KIF13B: variants seen among roughly 807,000 people sequenced by gnomAD.
KIF13B encodes kinesin-like protein KIF13B.
A neutral mutation model predicts 222.0 loss-of-function variants in KIF13B; 127 were observed. That is an observed-to-expected ratio of 0.57 (90% CI 0.50 to 0.66). The LOEUF is 0.66. Among genes scored for constraint, KIF13B ranks in the 30% least tolerant of loss-of-function variants. The pLI, the probability that KIF13B is intolerant of heterozygous loss-of-function variation, is 0.00. For missense variants in KIF13B, 2,173 were observed against 2,379.0 expected, an observed-to-expected ratio of 0.91 and a Z score of 1.80; for synonymous variants, 976 against 919.0, an observed-to-expected ratio of 1.06 and a Z score of -1.12.
At chr8:29,079,485 A>G (rs1035393521) in intron 37 of KIF13B, among the ~76,000 whole-genome samples, 3 of 152,218 alleles carry the variant, frequency 2.0e-5, no homozygotes, top group African/African-American at 7.2e-5. Context: ...TTCCTTACAT[A>G]AAACAGTAGC....
At chr8:29,102,893 C>A (rs535093696) in intron 35 of KIF13B, among the ~76,000 whole-genome samples, 3 of 152,214 alleles carry the variant, frequency 2.0e-5, no homozygotes, top group Non-Finnish European at 4.4e-5. Flanking sequence ...GACAAACATA[C>A]AACCTTATTG....
At chr8:29,146,907 A>T (rs902851364) in intron 17 of KIF13B, among the ~76,000 whole-genome samples, 1 of 152,236 alleles carries the variant, frequency 6.6e-6, no homozygotes, top group Admixed American at 6.5e-5. Flanking sequence ...CCTGCAGACC[A>T]AACTTTAAAT....
At chr8:29,221,072 A>G (rs1814721667) in intron 2 of KIF13B, among the ~76,000 whole-genome samples, 1 of 149,138 alleles carries the variant, frequency 6.7e-6, no homozygotes, top group South Asian at 2.1e-4. Flanking sequence ...AGCCCAGGGA[A>G]GCTGAGGCTG....
At chr8:29,249,463 T>A (rs1816185971) in intron 1 of KIF13B, among the ~76,000 whole-genome samples, 1 of 148,886 alleles carries the variant, frequency 6.7e-6, no homozygotes. Context: ...AGATAAGCTC[T>A]AAGGAAAGGA....
At chr8:29,258,806 A>G (rs933253034) in intron 1 of KIF13B, among the ~76,000 whole-genome samples, 16 of 152,154 alleles carry the variant, frequency 1.1e-4, no homozygotes, top group African/African-American at 3.4e-4. Flanking sequence ...CCTGGCACTT[A>G]GTAACTAGCA....
At chr8:29,212,374 T>C (rs1251440503) in intron 2 of KIF13B, among the ~76,000 whole-genome samples, 1 of 152,252 alleles carries the variant, frequency 6.6e-6, no homozygotes, top group Non-Finnish European at 1.5e-5. Flanking sequence ...CAGCATCGTC[T>C]GTCGTTTTGA....
chr8:29,168,311 A>G (rs973983104), intron 10 of KIF13B, among the ~76,000 whole-genome samples: 2 of 152,194 alleles, frequency 1.3e-5, no homozygotes, highest in African/African-American at 4.8e-5. Context: ...ATGAAAAACC[A>G]CCCTCACTTG....
chr8:29,084,418 C>T (rs1344008256), intron 37 of KIF13B, among the ~76,000 whole-genome samples: 2 of 152,172 alleles, frequency 1.3e-5, no homozygotes, highest in Non-Finnish European at 2.9e-5. Flanking sequence ...TATACAGACA[C>T]CTTTTCAATT....
intron 22 of KIF13B, among the ~76,000 whole-genome samples, chr8:29,133,308 G>C (rs984477856): frequency 2.0e-5 from 3 of 152,352 alleles, no homozygotes; most frequent in Admixed American, 2.0e-4. Context: ...CGCACTGTTG[G>C]CTGGGTGTGG....
rs778029838 is a variant in KIF13B, at chr8:29,071,975, G to A, written c.4863C>T (p.Pro1621=). 7.5e-5 allele frequency: 99 copies of A among 1,320,134 alleles called. No homozygotes were observed. The highest frequency in any genetic ancestry group is 4.2e-5 in the Admixed American group (1 of 23,614). The allele number at this position is 1,320,134 out of a possible 1,614,324, so 81.8% of individuals were successfully genotyped here. A position where few individuals can be genotyped will look rare whatever the true frequency, so the allele number is the denominator to read the frequency against. The change falls in exon 39 of 40, where the codon CCC becomes CCT. Residue 1621 remains proline (P), a synonymous_variant. Coordinates refer to ENST00000524189, the MANE Select transcript of KIF13B (RefSeq NM_015254.4). The surrounding 1 kb of genome is among the most constrained non-coding windows in gnomAD (Gnocchi z 4.9). Reference sequence around the variant, plus strand: ...GGCTCACGAGCTGCTGGGGGCCAGGGGGCTCCTCGGCGGGGACGGCCGTGG... The same window carrying A: ...GGCTCACGAGCTGCTGGGGGCCAGGAGGCTCCTCGGCGGGGACGGCCGTGG... The part of the protein sequence containing the change: ...PPPTAVPAEE[P]PGPQQLVSPG...
intron 5 of KIF13B, among the ~76,000 whole-genome samples, chr8:29,187,339 C>T (rs1812980863): frequency 6.6e-6 from 1 of 152,154 alleles, no homozygotes; most frequent in African/African-American, 2.4e-5. Context: ...ACCAGCCTGG[C>T]CAACATGGTG....
intron 9 of KIF13B, among the ~76,000 whole-genome samples, chr8:29,176,829 C>G (rs1190313510): frequency 1.3e-5 from 2 of 150,704 alleles, no homozygotes; most frequent in Non-Finnish European, 3.0e-5. Context: ...CCATCAAGCA[C>G]CTCAACAAAA....
chr8:29,174,424 A>C (rs893107389), intron 10 of KIF13B, among the ~76,000 whole-genome samples: 8 of 152,206 alleles, frequency 5.3e-5, no homozygotes, highest in Non-Finnish European at 1.2e-4. Flanking sequence ...TTGAGACAGG[A>C]AAGAAAAGTA....
At chr8:29,246,999 T>C (rs1221796014) in intron 1 of KIF13B, among the ~76,000 whole-genome samples, 8 of 152,148 alleles carry the variant, frequency 5.3e-5, no homozygotes, top group African/African-American at 1.9e-4. Flanking sequence ...CTTAGAAGAA[T>C]ACAAAAGTGT....
intron 13 of KIF13B, 134 bp downstream of exon 13, chr8:29,160,599 G>T: frequency 3.2e-6 from 2 of 619,360 alleles, no homozygotes; most frequent in Non-Finnish European, 5.0e-6. Context: ...AGAAAACTGA[G>T]TCCAGAAACC....
intron 4 of KIF13B, chr8:29,190,764 C>G: frequency 2.0e-6 from 1 of 509,832 alleles, no homozygotes; most frequent in Non-Finnish European, 3.6e-6. Flanking sequence ...AGGTAGAGAG[C>G]ATCGGAACTG....
intron 2 of KIF13B, among the ~76,000 whole-genome samples, chr8:29,240,597 G>T (rs1815731140): frequency 6.6e-6 from 1 of 152,184 alleles, no homozygotes; most frequent in South Asian, 2.1e-4. Flanking sequence ...TCAAAACCTT[G>T]TTTTAAAATA....
chr8:29,173,696 C>T (rs760739866), intron 10 of KIF13B, among the ~76,000 whole-genome samples: 13 of 151,722 alleles, frequency 8.6e-5, no homozygotes, highest in Non-Finnish European at 1.6e-4. Context: ...GTAATCCCGG[C>T]ACTTCAGGAG....
In KIF13B at chr8:29,188,610, G is replaced by C. The variant is rs1256489052; in HGVS notation, c.224-3C>G. 3.3e-6 allele frequency: 5 copies of C among 1,523,002 alleles called. No homozygotes were observed. The highest frequency in any genetic ancestry group is 1.2e-5 in the South Asian group (1 of 84,292). 94.3% of individuals were successfully genotyped at this position (1,523,002 alleles called of 1,614,324 possible). ...GCACTTGAAAACAATATCTTGACCT[G>C]AGAGAGAGAGAATAAGAGAAAAGAT... On this transcript the variant is annotated splice_polypyrimidine_tract_variant and splice_region_variant and intron_variant, in intron 4 of 39. Coordinates refer to ENST00000524189, the MANE Select transcript of KIF13B (RefSeq NM_015254.4).
Sources: gnomAD v4.1 joint callset for allele counts (sites outside exome capture counted in the v4.1 genomes callset) on GRCh38, gnomAD v4.1.1 for gene constraint, Gnocchi (gnomAD v3.1) non-coding constraint, MANE v1.5 for transcripts, NCBI Gene and HGNC (gene_info 2026-07-23, HGNC 2026-07-21) for gene names.